The following FCHSD2 variants were observed in gnomAD, a reference collection of about 807,000 sequenced individuals.
FCHSD2 encodes F-BAR and double SH3 domains protein 2.
FCHSD2 carries 38 observed loss-of-function variants against 108.1 expected under a neutral mutation model. That is an observed-to-expected ratio of 0.35 (90% confidence interval 0.27 to 0.46). The LOEUF (loss-of-function observed/expected upper bound fraction) is 0.46. Among genes scored for constraint, FCHSD2 ranks in the 20% least tolerant of loss-of-function variants. FCHSD2 has a pLI of 1.00. For missense variants in FCHSD2, 751 were observed against 897.8 expected (o/e 0.84, Z 2.09); for synonymous variants, 279 against 314.7 (o/e 0.89, Z 1.20).
At chr11:73,126,882 A>T (rs1307691193) in intron 2 of FCHSD2, among the ~76,000 whole-genome samples, 3 of 152,180 alleles carry the variant, frequency 2.0e-5, no homozygotes, top group Admixed American at 1.3e-4. Context: ...TATGAAAAAT[A>T]AAAAAATTTG....
chr11:73,127,190 A>G lies in FCHSD2; in HGVS notation c.119+12841T>C, dbSNP rs7110585. On this transcript the variant is annotated intron_variant, in intron 2 of 19. Coordinates refer to ENST00000409418, the MANE Select transcript of FCHSD2 (RefSeq NM_014824.3). ...AACCACAGACATGGTAACACTTTTC[A>G]TAACACCAGAAATAACATTTTCTTA... 6.0e-3 allele frequency among the ~76,000 whole-genome samples: 914 copies of G among 152,348 alleles called. 5 individuals are homozygous for G. The highest frequency in any genetic ancestry group is 0.017 in the African/African-American group (715 of 41,576).
intron 3 of FCHSD2, among the ~76,000 whole-genome samples, chr11:73,058,085 T>C (rs897205791): frequency 3.9e-5 from 6 of 152,086 alleles, no homozygotes; most frequent in Admixed American, 2.6e-4. Context: ...TTCACCGTGT[T>C]AGCCAGGATG....
At chr11:73,016,345 C>A (rs1017485716) in intron 3 of FCHSD2, among the ~76,000 whole-genome samples, 1 of 151,474 alleles carries the variant, frequency 6.6e-6, no homozygotes, top group Non-Finnish European at 1.5e-5. Context: ...ACCAACCAAC[C>A]AACCAAACAA....
At chr11:72,966,351 G>C (rs893381610) in intron 8 of FCHSD2, among the ~76,000 whole-genome samples, 8 of 151,992 alleles carry the variant, frequency 5.3e-5, no homozygotes, top group African/African-American at 1.7e-4. Flanking sequence ...GTAGAGACAG[G>C]GTTTCGTCAT....
chr11:72,933,398 T>C (rs149474328), intron 8 of FCHSD2, among the ~76,000 whole-genome samples: 1 of 152,278 alleles, frequency 6.6e-6, no homozygotes, highest in Non-Finnish European at 1.5e-5. Context: ...ATGGGAATGG[T>C]GGGCAGAGGA....
chr11:73,122,488 C>A (rs1478444579), intron 2 of FCHSD2, among the ~76,000 whole-genome samples: 1 of 152,224 alleles, frequency 6.6e-6, no homozygotes, highest in Non-Finnish European at 1.5e-5. Context: ...CTTTCTTGAT[C>A]TGCTCTTCAG....
At chr11:73,093,907 T>C (rs1170981376) in intron 2 of FCHSD2, among the ~76,000 whole-genome samples, 1 of 148,640 alleles carries the variant, frequency 6.7e-6, no homozygotes, top group Non-Finnish European at 1.5e-5. Context: ...ATCCAGCTGA[T>C]GAATGTTAAG....
At chr11:72,844,885 G>A (rs1379627828) in intron 14 of FCHSD2, among the ~76,000 whole-genome samples, 1 of 152,082 alleles carries the variant, frequency 6.6e-6, no homozygotes, top group Non-Finnish European at 1.5e-5. Context: ...ATAGCTCCCT[G>A]AGACAGAAAA....
intron 8 of FCHSD2, among the ~76,000 whole-genome samples, chr11:72,934,705 G>T (rs1459266390): frequency 6.6e-6 from 1 of 152,042 alleles, no homozygotes; most frequent in East Asian, 1.9e-4. Context: ...TTCTTTCAAG[G>T]TTTATATAAA....
At chr11:72,909,094 T>C (rs1251217167) in intron 9 of FCHSD2, among the ~76,000 whole-genome samples, 1 of 152,212 alleles carries the variant, frequency 6.6e-6, no homozygotes, top group Non-Finnish European at 1.5e-5. Flanking sequence ...TTGCCGATAC[T>C]GCCGTGATCT....
At chr11:73,079,813 C>A (rs1384432309) in intron 3 of FCHSD2, among the ~76,000 whole-genome samples, 1 of 151,912 alleles carries the variant, frequency 6.6e-6, no homozygotes, top group East Asian at 1.9e-4. Flanking sequence ...CAGAAACAGG[C>A]AGTAAACTGG....
chr11:72,887,622 TCTTC>T, intron 11 of FCHSD2, 48 bp from the exon 12 acceptor site: 1 of 1,213,132 alleles, frequency 8.2e-7, no homozygotes, highest in Non-Finnish European at 1.2e-6. Context: ...TTACTTTTCA[TCTTC>T]CTTAAGTGAT....
chr11:72,862,479 C>A (rs1292339521), intron 13 of FCHSD2, among the ~76,000 whole-genome samples: 2 of 152,102 alleles, frequency 1.3e-5, no homozygotes, highest in Non-Finnish European at 2.9e-5. Flanking sequence ...TTTAAAAAAT[C>A]ATTTACAATA....
chr11:73,126,339 T>TAAA (rs61586562), intron 2 of FCHSD2, among the ~76,000 whole-genome samples: 753 of 27,436 alleles, frequency 0.027, 94 homozygotes, highest in Middle Eastern at 0.042. Context: ...GATTCCATCT[T>TAAA]AAAAAAAAAA....
At position 73,126,652 on chromosome 11, in the gene FCHSD2, A is replaced by G. The variant is rs946125928; in HGVS notation, c.119+13379T>C. ...TTATGCTTAACAGACATGCAATAAA[A>G]TGTTTACCAATATTACTGAATCATT... On this transcript the variant is annotated intron_variant, in intron 2 of 19. Transcript: ENST00000409418. 3.3e-5 allele frequency among the ~76,000 whole-genome samples: 5 copies of G among 152,316 alleles called. No homozygotes were observed. The East Asian group carries it at 7.7e-4, about 23-fold the overall frequency.
chr11:73,042,761 G>C (rs928822487), intron 3 of FCHSD2, among the ~76,000 whole-genome samples: 1 of 151,692 alleles, frequency 6.6e-6, no homozygotes, highest in Admixed American at 6.6e-5. Context: ...TTTTGTTGTA[G>C]GTCTTTCATC....
chr11:73,097,345 G>C (rs778585522), intron 2 of FCHSD2, among the ~76,000 whole-genome samples: 1 of 150,484 alleles, frequency 6.6e-6, no homozygotes, highest in African/African-American at 2.4e-5. Flanking sequence ...GTTGGATTCA[G>C]TTTCCTAGGT....
chr11:73,020,090 A>G (rs964950907), intron 3 of FCHSD2, among the ~76,000 whole-genome samples: 3 of 152,206 alleles, frequency 2.0e-5, no homozygotes, highest in African/African-American at 7.2e-5. Context: ...ATGTACTATC[A>G]ATATACTCTT....
At chr11:73,080,797 A>G (rs1459646058) in intron 3 of FCHSD2, among the ~76,000 whole-genome samples, 8 of 152,050 alleles carry the variant, frequency 5.3e-5, no homozygotes, top group Non-Finnish European at 1.2e-4. Context: ...GACAAAAATT[A>G]GCCAGGTGTG....
Sources: gnomAD v4.1 joint callset for allele counts (sites outside exome capture counted in the v4.1 genomes callset) on GRCh38, gnomAD v4.1.1 for gene constraint, MANE v1.5 for transcripts, NCBI Gene and HGNC (gene_info 2026-07-23, HGNC 2026-07-21) for gene names.